Variants in GCNT1 observed in about 807,000 individuals in gnomAD.
GCNT1 encodes the protein glucosaminyl (N-acetyl) transferase 1, also known as beta-1,3-galactosyl-O-glycosyl-glycoprotein beta-1,6-N-acetylglucosaminyltransferase.
GCNT1 carries 16 observed loss-of-function variants against 26.2 expected under a neutral mutation model. The observed-to-expected ratio is 0.61, with a 90% CI of 0.41 to 0.93. The LOEUF is 0.93. Among genes scored for constraint, GCNT1 ranks in the 40% least tolerant of loss-of-function variants. The pLI, the probability that GCNT1 is intolerant of heterozygous loss-of-function variation, is 0.00. For synonymous variants in GCNT1, 183 were observed against 190.8 expected (o/e 0.96, Z 0.34); for missense variants, 477 against 526.7 (o/e 0.91, Z 0.92).
At chr9:76,417,962 C>A (rs954475394), upstream of GCNT1, among the ~76,000 whole-genome samples, 2 of 152,126 alleles carry the variant, frequency 1.3e-5, no homozygotes, top group Admixed American at 6.6e-5. Context: ...TTATTCTGAG[C>A]CAAATAGAAG....
chr9:76,444,469 G>A (rs150905756), intron 1 of GCNT1, among the ~76,000 whole-genome samples: 3 of 152,268 alleles, frequency 2.0e-5, no homozygotes, highest in African/African-American at 7.2e-5. Context: ...AAACCATGAG[G>A]ATTAAGAGTC....
At chr9:76,492,059 A>G (rs1283703618) in intron 2 of GCNT1, among the ~76,000 whole-genome samples, 1 of 152,202 alleles carries the variant, frequency 6.6e-6, no homozygotes, top group Non-Finnish European at 1.5e-5. Context: ...TTACTTAGGT[A>G]TGCCACTGGT....
chr9:76,451,383 G>T (rs994509968), intron 1 of GCNT1, among the ~76,000 whole-genome samples: 3 of 152,210 alleles, frequency 2.0e-5, no homozygotes, highest in African/African-American at 4.8e-5. Context: ...AATGATAAAA[G>T]AATATTATTC....
chr9:76,468,517 ATGAGAAAGAATCACTGC>A (rs1332225801), intron 2 of GCNT1, among the ~76,000 whole-genome samples: 1 of 152,208 alleles, frequency 6.6e-6, no homozygotes, highest in Non-Finnish European at 1.5e-5. Flanking sequence ...ATGTCATGGC[ATGAGAAAGAATCACTGC>A]TTTAGTCTGT....
Position 76,502,871 on chromosome 9 carries a change from G to C in GCNT1, c.490G>C (p.Ala164Pro), listed in dbSNP as rs1414932820. 1.2e-6 allele frequency: 2 copies of C among 1,614,064 alleles called. No individual in the cohort carries two copies. The highest frequency in any genetic ancestry group is 1.7e-6 in the Non-Finnish European group (2 of 1,180,006). The change falls in exon 4 of 4, where the codon GCT becomes CCT. Residue 164 changes from alanine (A) to proline (P), a missense_variant. Coordinates refer to ENST00000376730, the MANE Select transcript of GCNT1 (RefSeq NM_001490.5). ...CACAAAATCCGAGGATTCCTATTTA[G>C]CTGCAGTGATGGGCATCGCTTCCTG... ...VDTKSEDSYL[A>P]AVMGIASCFS...
chr9:76,483,003 A>T (rs1277265758), intron 2 of GCNT1, among the ~76,000 whole-genome samples: 3 of 152,036 alleles, frequency 2.0e-5, no homozygotes, highest in Non-Finnish European at 2.9e-5. Flanking sequence ...TTATAATGTT[A>T]ATATGTAAAC....
At chr9:76,491,145 CTT>C (rs1320562337) in intron 2 of GCNT1, among the ~76,000 whole-genome samples, 2 of 151,266 alleles carry the variant, frequency 1.3e-5, no homozygotes, top group African/African-American at 2.5e-5. Context: ...TTGACTCCCT[CTT>C]TGTCTCTCTT....
At chr9:76,427,306 C>G (rs1823271183) in intron 1 of GCNT1, among the ~76,000 whole-genome samples, 1 of 151,652 alleles carries the variant, frequency 6.6e-6, no homozygotes, top group Non-Finnish European at 1.5e-5. Flanking sequence ...AAGCAATCCT[C>G]CTACCTCAGT....
At chr9:76,496,506 C>G (rs574727530) in intron 2 of GCNT1, among the ~76,000 whole-genome samples, 1 of 152,290 alleles carries the variant, frequency 6.6e-6, no homozygotes, top group South Asian at 2.1e-4. Context: ...CTGTCTCCCT[C>G]TCCCTGAGGT....
At chr9:76,424,968 T>A (rs2131573251) in intron 1 of GCNT1, among the ~76,000 whole-genome samples, 1 of 151,806 alleles carries the variant, frequency 6.6e-6, no homozygotes, top group South Asian at 2.1e-4. Context: ...TGAAACCCCG[T>A]TTCTACTAAA....
At chr9:76,398,972 G>T in the GCNT1 span, 1 of 1,509,782 alleles carries the variant, frequency 6.6e-7, no homozygotes, top group Non-Finnish European at 9.1e-7. Flanking sequence ...GAAGTTTGCT[G>T]CTGCCACTGG....
At chr9:76,433,435 G>A (rs1033274616) in intron 1 of GCNT1, among the ~76,000 whole-genome samples, 3 of 152,236 alleles carry the variant, frequency 2.0e-5, no homozygotes, top group Non-Finnish European at 4.4e-5. Flanking sequence ...TGCTGTTTGT[G>A]TGCCACGGCG....
the GCNT1 span, among the ~76,000 whole-genome samples, chr9:76,410,742 A>G: frequency 5.3e-4 from 80 of 152,320 alleles, no homozygotes; most frequent in Non-Finnish European, 8.7e-4. Flanking sequence ...AGAAATGTCA[A>G]TTATACCCCA....
At chr9:76,467,137 G>C (rs1824015357) in intron 2 of GCNT1, among the ~76,000 whole-genome samples, 1 of 152,060 alleles carries the variant, frequency 6.6e-6, no homozygotes, top group Non-Finnish European at 1.5e-5. Context: ...ACGCCTCCCA[G>C]GTTCAAGCGA....
intron 1 of GCNT1, among the ~76,000 whole-genome samples, chr9:76,452,171 G>A (rs1193457799): frequency 6.6e-6 from 1 of 151,942 alleles, no homozygotes; most frequent in East Asian, 1.9e-4. Context: ...GTTTCACCAT[G>A]TTGGTCAGGT....
At chr9:76,457,423 A>G (rs1459163872), upstream of GCNT1, among the ~76,000 whole-genome samples, 15 of 151,950 alleles carry the variant, frequency 9.9e-5, no homozygotes, top group African/African-American at 2.9e-4. Flanking sequence ...TAATTTTTGT[A>G]TTTTTAGTAG....
intron 1 of GCNT1, among the ~76,000 whole-genome samples, chr9:76,426,409 A>C (rs1480159707): frequency 1.3e-5 from 2 of 152,110 alleles, no homozygotes; most frequent in Non-Finnish European, 2.9e-5. Context: ...CTTCGCAAAA[A>C]ATACAAAAAT....
chr9:76,453,155 T>C (rs1376207734), intron 1 of GCNT1, among the ~76,000 whole-genome samples: 1 of 152,092 alleles, frequency 6.6e-6, no homozygotes, highest in Non-Finnish European at 1.5e-5. Context: ...TGTTCAGCCA[T>C]CTCCTGTTTA....
At chr9:76,425,130 C>T (rs1823243239) in intron 1 of GCNT1, among the ~76,000 whole-genome samples, 1 of 97,076 alleles carries the variant, frequency 1.0e-5, no homozygotes, top group African/African-American at 4.0e-5. Context: ...CAGAACGAAA[C>T]TCCGTCTAAA....
Sources: gnomAD v4.1 joint callset for allele counts (sites outside exome capture counted in the v4.1 genomes callset) on GRCh38, gnomAD v4.1.1 for gene constraint, MANE v1.5 for transcripts, NCBI Gene and HGNC (gene_info 2026-07-23, HGNC 2026-07-21) for gene names.